LUC7L: variants seen among roughly 807,000 people sequenced by gnomAD.
LUC7L encodes the protein LUC7 like.
LUC7L carries 29 observed loss-of-function variants against 51.1 expected under a neutral mutation model. The observed-to-expected ratio is 0.57, with a 90% CI of 0.42 to 0.77. LUC7L has a LOEUF of 0.77. Ranked by LOEUF, LUC7L falls within the 30% of genes least tolerant of loss-of-function variation. LUC7L has a pLI of 0.00. For synonymous variants in LUC7L, 181 were observed against 180.7 expected, an observed-to-expected ratio of 1.00 and a Z score of -0.01; for missense variants, 403 against 511.9, an observed-to-expected ratio of 0.79 and a Z score of 2.05.
chr16:200,555 G>T (rs2049294698), intron 5 of LUC7L, among the ~76,000 whole-genome samples: 1 of 151,948 alleles, frequency 6.6e-6, no homozygotes, highest in South Asian at 2.1e-4. Flanking sequence ...CAACCTGGAG[G>T]ACAGAGGAAA....
At chr16:226,188 G>A (rs7196484) in intron 2 of LUC7L, among the ~76,000 whole-genome samples, 8,267 of 152,294 alleles carry the variant, frequency 0.054, 264 homozygotes, top group Non-Finnish European at 0.068. Flanking sequence ...AACTCAGCTT[G>A]AGAAGTTTTA....
chr16:214,658 C>G (rs2049736858), intron 3 of LUC7L, among the ~76,000 whole-genome samples: 1 of 152,172 alleles, frequency 6.6e-6, no homozygotes, highest in Non-Finnish European at 1.5e-5. Context: ...CCTCGAGTAG[C>G]TGGGACTATA....
intron 5 of LUC7L, among the ~76,000 whole-genome samples, chr16:200,821 G>A (rs1472016764): frequency 6.6e-6 from 1 of 152,022 alleles, no homozygotes; most frequent in Non-Finnish European, 1.5e-5. Flanking sequence ...GGTTGAAGGG[G>A]CAGTGACCTG....
At chr16:210,250 G>A (rs1049432645) in intron 3 of LUC7L, among the ~76,000 whole-genome samples, 1 of 152,156 alleles carries the variant, frequency 6.6e-6, no homozygotes, top group African/African-American at 2.4e-5. Context: ...TCGCGCCATT[G>A]CACTCCAGCC....
At chr16:220,094 T>C (rs1418334427) in intron 3 of LUC7L, 2 of 152,190 alleles carry the variant, frequency 1.3e-5, no homozygotes, top group African/African-American at 4.8e-5. Flanking sequence ...CGAGGATAAA[T>C]ACGGGTATCT....
At chr16:225,675 G>A (rs1446040992) in intron 2 of LUC7L, among the ~76,000 whole-genome samples, 1 of 151,292 alleles carries the variant, frequency 6.6e-6, no homozygotes, top group African/African-American at 2.4e-5. Context: ...AATAGAGACA[G>A]GGTTTATCTA....
chr16:212,101 C>G (rs1187404946), intron 3 of LUC7L, among the ~76,000 whole-genome samples: 1 of 152,188 alleles, frequency 6.6e-6, no homozygotes, highest in East Asian at 1.9e-4. Context: ...TGAGATCAGC[C>G]TGACCAACAA....
At chr16:211,676 A>C (rs971602140) in intron 3 of LUC7L, among the ~76,000 whole-genome samples, 1 of 151,856 alleles carries the variant, frequency 6.6e-6, no homozygotes, top group African/African-American at 2.4e-5. Context: ...ACTTACTAGA[A>C]AGTCACCCAA....
At chr16:193,387 C>T (rs9930238) in intron 6 of LUC7L, among the ~76,000 whole-genome samples, 7,596 of 151,840 alleles carry the variant, frequency 0.05, 678 homozygotes, top group African/African-American at 0.17. Flanking sequence ...CCTTGTGACC[C>T]GCCTGCCTCA....
chr16:197,784 G>C (rs1404714068), intron 6 of LUC7L, among the ~76,000 whole-genome samples: 1 of 152,128 alleles, frequency 6.6e-6, no homozygotes, highest in Non-Finnish European at 1.5e-5. Context: ...GGTCACTGCA[G>C]CATTCTGCAG....
At position 229,284 on chromosome 16, in the gene LUC7L, C is replaced by T; in HGVS notation, c.56G>A (p.Arg19Gln). The change falls in exon 1 of 10, where the codon CGG (arginine) becomes CAG (glutamine). Residue 19 changes from arginine to glutamine, a missense_variant. Physicochemically the swap from Arg to Gln is conservative, Grantham distance 43. Transcript: ENST00000293872. ...ALLDQLMGTARDGDETRQRVK... is the reference protein window; with the variant it reads ...ALLDQLMGTAQDGDETRQRVK... ...GGTTGGCCGCTCTGACTCACCGTCC[C>T]GAGCCGTGCCCATGAGCTGGTCCAG... 1 of 1,538,502 alleles carries T rather than the reference C, an allele frequency of 6.5e-7. No individual in the cohort carries two copies. Among genetic ancestry groups the T allele is most frequent in the Non-Finnish European group, 8.7e-7 (1 of 1,149,922 alleles).
In LUC7L at chr16:189,772, A is replaced by G. The variant is rs2048960363; in HGVS notation, c.974+196T>C. The G allele has an allele frequency of 2.8e-6, 4 of 1,412,528 alleles. No homozygotes were observed. In the African/African-American group the frequency reaches 4.3e-5, roughly 15 times the overall value. 87.5% of individuals were successfully genotyped at this position (1,412,528 alleles called of 1,614,324 possible). A position where few individuals can be genotyped will look rare whatever the true frequency, so the allele number is the denominator to read the frequency against. On this transcript the variant is annotated intron_variant, in intron 9 of 9. Coordinates refer to ENST00000293872, the MANE Select transcript of LUC7L (RefSeq NM_201412.3). ...GCAGGGGACAGTGCCTGTGCAGCCCATCACCTGGCGCCGTGCGAGCTCCTC... is the reference window on the plus strand; with the variant it reads ...GCAGGGGACAGTGCCTGTGCAGCCCGTCACCTGGCGCCGTGCGAGCTCCTC...
At chr16:208,271 A>T in intron 3 of LUC7L, 83 bp from the exon 4 acceptor site, 1 of 985,178 alleles carries the variant, frequency 1.0e-6, no homozygotes, top group Non-Finnish European at 1.6e-6. Context: ...TAGGAAATAC[A>T]CTCCTAGGTT....
intron 3 of LUC7L, chr16:208,503 A>G: frequency 1.9e-6 from 1 of 538,170 alleles, no homozygotes; most frequent in Non-Finnish European, 2.6e-6. Flanking sequence ...CTTGGCAGCA[A>G]TTCATAGAGT....
intron 5 of LUC7L, among the ~76,000 whole-genome samples, chr16:199,596 A>G (rs2049261727): frequency 6.6e-6 from 1 of 151,570 alleles, no homozygotes; most frequent in Non-Finnish European, 1.5e-5. Flanking sequence ...ACATGGAGAA[A>G]CCCCATCTCT....
intron 4 of LUC7L, 40 bp from the exon 5 acceptor site, chr16:206,187 T>C (rs1200344570): frequency 6.3e-7 from 1 of 1,589,446 alleles, no homozygotes; most frequent in Non-Finnish European, 8.6e-7. Context: ...CATCTGAAAA[T>C]GAAAGTGAAT....
Position 192,555 on chromosome 16 carries a change from G to C in LUC7L, c.776+372C>G, listed in dbSNP as rs532813200. ...TGGAGTCTCTGTTGCCCAGGCTAGA[G>C]TGCAGTGGCACGATCTCGGCTCACT... is the stretch of plus-strand genomic sequence containing the variant. On this transcript the variant is annotated intron_variant, in intron 7 of 9. Coordinates refer to ENST00000293872, the MANE Select transcript of LUC7L (RefSeq NM_201412.3). 2.0e-5 allele frequency among the ~76,000 whole-genome samples: 3 copies of C among 147,034 alleles called. No homozygotes were observed. In the East Asian group the frequency reaches 6.0e-4, roughly 30 times the overall value.
Position 207,535 on chromosome 16 carries a change from T to C in LUC7L, c.366+543A>G, listed in dbSNP as rs186608130. On this transcript the variant is annotated intron_variant, in intron 4 of 9. Coordinates refer to ENST00000293872, the MANE Select transcript of LUC7L (RefSeq NM_201412.3). ...AAACTCAGCGAAGAATATATTAAAA[T>C]TAAAAAATAATGATAAACCATGTAC... Among the ~76,000 whole-genome samples, 10 of 152,100 alleles carry C rather than the reference T, an allele frequency of 6.6e-5. No homozygotes were observed. The East Asian group carries it at 1.5e-3, about 24-fold the overall frequency.
At chr16:190,679 A>T in intron 7 of LUC7L, 109 bp from the exon 8 acceptor site, 1 of 965,216 alleles carries the variant, frequency 1.0e-6, no homozygotes, top group Non-Finnish European at 1.7e-6. Context: ...CACGAGCTGG[A>T]GACCAGCCTG....
Sources: allele counts gnomAD v4.1 joint callset (sites outside exome capture counted in the v4.1 genomes callset), GRCh38; gene constraint gnomAD v4.1.1; transcripts MANE v1.5; gene names NCBI Gene and HGNC (gene_info 2026-07-23, HGNC 2026-07-21).